RALGAPB: variants seen among roughly 807,000 people sequenced by gnomAD.
RALGAPB encodes the protein Ral GTPase activating protein non-catalytic subunit beta, also known as ral GTPase-activating protein subunit beta.
In RALGAPB, 25 loss-of-function variants were observed where a neutral mutation model predicts 161.1. That is an observed-to-expected ratio of 0.16 (90% CI 0.11 to 0.22). The LOEUF (loss-of-function observed/expected upper bound fraction) is 0.22. Among genes scored for constraint, RALGAPB ranks in the 10% least tolerant of loss-of-function variants. RALGAPB has a pLI of 1.00. For synonymous variants in RALGAPB, 629 were observed against 626.1 expected (o/e 1.00, Z -0.07); for missense variants, 1,391 against 1,815.2 (o/e 0.77, Z 4.25).
intron 28 of RALGAPB, 129 bp downstream of exon 28, chr20:38,570,976 A>G: frequency 1.5e-6 from 1 of 655,436 alleles, no homozygotes; most frequent in East Asian, 2.8e-5. Context: ...AAGATCAAAG[A>G]AAGAAGTTTG....
At chr20:38,511,154 A>C (rs1206513990) in intron 6 of RALGAPB, among the ~76,000 whole-genome samples, 2 of 152,248 alleles carry the variant, frequency 1.3e-5, no homozygotes, top group African/African-American at 4.8e-5. Flanking sequence ...ACTGTTACTC[A>C]TATTCCATTA....
At chr20:38,516,627 G>C (rs2086132120) in intron 7 of RALGAPB, 1 of 363,942 alleles carries the variant, frequency 2.7e-6, no homozygotes, top group Non-Finnish European at 4.9e-6. Flanking sequence ...AGTTACTTTT[G>C]CACCCACCTA....
rs1168464461 is a variant in RALGAPB at position 38,477,371 on chromosome 20, G to A, written c.-31+4302G>A. On this transcript the variant is annotated intron_variant, in intron 1 of 29. Coordinates refer to ENST00000262879, the MANE Select transcript of RALGAPB (RefSeq NM_020336.4). ...GGTGGTGCTGGTAGGGGGCAGACAG[G>A]GTATTCAAACGTTCTTTGGGTAGCT... Among the ~76,000 whole-genome samples, 3 of 152,230 alleles carry A rather than the reference G, an allele frequency of 2.0e-5. No homozygotes were observed. In the East Asian group the frequency reaches 5.8e-4, roughly 29 times the overall value.
intron 22 of RALGAPB, among the ~76,000 whole-genome samples, chr20:38,556,742 A>AG (rs1315072820): frequency 1.3e-5 from 2 of 152,176 alleles, no homozygotes; most frequent in African/African-American, 4.8e-5. Flanking sequence ...TTTAAAAAAA[A>AG]AAGAAGAATG....
intron 23 of RALGAPB, among the ~76,000 whole-genome samples, chr20:38,559,187 A>G (rs1400366627): frequency 6.6e-6 from 1 of 152,276 alleles, no homozygotes; most frequent in Non-Finnish European, 1.5e-5. Context: ...GGTTAGTCAT[A>G]AAAGTTAAAG....
chr20:38,476,365 T>C (rs1418119703), intron 1 of RALGAPB, among the ~76,000 whole-genome samples: 1 of 152,212 alleles, frequency 6.6e-6, no homozygotes, highest in Non-Finnish European at 1.5e-5. Flanking sequence ...TTAAGGTGCA[T>C]GGAGTTTCAT....
At chr20:38,561,633 A>G (rs979199125) in intron 23 of RALGAPB, among the ~76,000 whole-genome samples, 1 of 152,084 alleles carries the variant, frequency 6.6e-6, no homozygotes, top group African/African-American at 2.4e-5. Context: ...ATTTTGATAT[A>G]CTCTGCTCTC....
At chr20:38,563,306 C>T (rs1021119623) in intron 24 of RALGAPB, among the ~76,000 whole-genome samples, 2 of 152,194 alleles carry the variant, frequency 1.3e-5, no homozygotes, top group Non-Finnish European at 1.5e-5. Context: ...GTCATCCATA[C>T]AAACAATACA....
At chr20:38,532,932 A>G in intron 15 of RALGAPB, 73 bp downstream of exon 15, 1 of 1,466,142 alleles carries the variant, frequency 6.8e-7, no homozygotes. Context: ...AAACAAAAAC[A>G]TTAAAAATGT....
In RALGAPB at chr20:38,545,718, C is replaced by T. The variant is rs551420128; in HGVS notation, c.2715-525C>T. Among the ~76,000 whole-genome samples the T allele has an allele frequency of 8.5e-5, 13 of 152,242 alleles. No individual in the cohort carries two copies. In the South Asian group the frequency reaches 2.3e-3, roughly 27 times the overall value. ...AGGAGAACTTGGCATTAAGTTCAGG[C>T]CTCTAATGGTTTGCAGAAAATAGGA... On this transcript the variant is annotated intron_variant, in intron 18 of 29. Coordinates refer to ENST00000262879, the MANE Select transcript of RALGAPB (RefSeq NM_020336.4).
chr20:38,546,538 C>A, intron 19 of RALGAPB, 108 bp downstream of exon 19: 2 of 1,449,824 alleles, frequency 1.4e-6, no homozygotes, highest in Non-Finnish European at 1.9e-6. Context: ...CTAAGTAGGT[C>A]AGAAAGATTT....
In RALGAPB at chr20:38,577,931, A is replaced by C. The variant is rs911799606; in HGVS notation, c.*2964A>C. 4.6e-5 allele frequency: 7 copies of C among 152,232 alleles called. No homozygotes were observed. The highest frequency in any genetic ancestry group is 1.7e-4 in the African/African-American group (7 of 41,456). The allele number at this position is 152,232 out of a possible 1,614,324, so 9.4% of individuals were successfully genotyped here. A position where few individuals can be genotyped will look rare whatever the true frequency, so the allele number is the denominator to read the frequency against. ...TAGGGAAGCATTTGTCAGACTCTGC[A>C]GACTGGGTTCTAGAGAGGCAGAGTC... On this transcript the variant is annotated 3_prime_UTR_variant, in exon 30 of 30. Coordinates refer to ENST00000262879, the MANE Select transcript of RALGAPB (RefSeq NM_020336.4).
chr20:38,547,430 GC>G (rs1278982462), intron 19 of RALGAPB: 6 of 152,164 alleles, frequency 3.9e-5, no homozygotes, highest in Non-Finnish European at 7.3e-5. Flanking sequence ...TATATGACTT[GC>G]CCAGGGTTAC....
rs1247752030 is a variant in RALGAPB, at chr20:38,577,731, A to ACACT, written c.*2765_*2766insACTC. 4 of 151,278 alleles carry ACACT rather than the reference A, an allele frequency of 2.6e-5. No individual in the cohort carries two copies. Among genetic ancestry groups the ACACT allele is most frequent in the Admixed American group, 6.6e-5 (1 of 15,056 alleles). The allele number at this position is 151,278 out of a possible 1,614,324, so 9.4% of individuals were successfully genotyped here. The stretch of plus-strand genomic sequence containing the variant: ...CACACACACACACACACACACACAC[A>ACACT]CTCGCATACTCATGCACATTTTCCT... On this transcript the variant is annotated 3_prime_UTR_variant, in exon 30 of 30. Transcript: ENST00000262879.
Position 38,472,881 on chromosome 20 carries a change from C to A in RALGAPB, c.-219C>A. 5.0e-6 allele frequency: 2 copies of A among 398,968 alleles called. No homozygotes were observed. Among genetic ancestry groups the A allele is most frequent in the Non-Finnish European group, 8.8e-6 (2 of 226,000 alleles). The allele number at this position is 398,968 out of a possible 1,614,324, so 24.7% of individuals were successfully genotyped here. ...CTGAGCAGATCCCAGCCGGCTGGCT[C>A]GAGTGGCCTTCGTCGTCCCTTGGCG... is the stretch of plus-strand genomic sequence containing the variant. On this transcript the variant is annotated 5_prime_UTR_variant, in exon 1 of 30. Transcript: ENST00000262879.
chr20:38,570,734 G>A lies in RALGAPB; in HGVS notation c.4064-35G>A, dbSNP rs765849405. 68 of 1,310,912 alleles carry A rather than the reference G, an allele frequency of 5.2e-5. 1 individual carries two copies. The highest frequency in any genetic ancestry group is 4.3e-4 in the South Asian group (35 of 82,260). The allele number at this position is 1,310,912 out of a possible 1,614,324, so 81.2% of individuals were successfully genotyped here. On this transcript the variant is annotated intron_variant, in intron 27 of 29. Transcript: ENST00000262879. The stretch of plus-strand genomic sequence containing the variant: ...CTATTATCTGTTTGGGAAAATGAGG[G>A]AGATATTAATTGTAATGCTATTATT...
At chr20:38,500,014 C>A (rs768719773) in intron 5 of RALGAPB, 1 of 153,316 alleles carries the variant, frequency 6.5e-6, no homozygotes, top group African/African-American at 2.4e-5. Context: ...TATAATTTTA[C>A]AGGAATGGGA....
intron 28 of RALGAPB, among the ~76,000 whole-genome samples, chr20:38,572,179 G>T (rs2088265171): frequency 6.6e-6 from 1 of 152,100 alleles, no homozygotes; most frequent in Non-Finnish European, 1.5e-5. Context: ...CTAATTAACG[G>T]AAATATGTTT....
intron 5 of RALGAPB, among the ~76,000 whole-genome samples, chr20:38,507,704 T>G (rs2085805402): frequency 6.6e-6 from 1 of 151,858 alleles, no homozygotes; most frequent in African/African-American, 2.4e-5. Flanking sequence ...TTTTTGTTTT[T>G]CTTTTTTTTT....
Sources: allele counts gnomAD v4.1 joint callset (sites outside exome capture counted in the v4.1 genomes callset), GRCh38; gene constraint gnomAD v4.1.1; transcripts MANE v1.5; gene names NCBI Gene and HGNC (gene_info 2026-07-23, HGNC 2026-07-21).